The following LIG3 variants were observed in gnomAD, a reference collection of about 807,000 sequenced individuals.
The protein encoded by LIG3 is DNA ligase 3, also known as ligase II, DNA, ATP-dependent.
Under a neutral mutation model 110.9 loss-of-function variants are expected in LIG3, and 58 were observed. That is an observed-to-expected ratio of 0.52 (90% CI 0.42 to 0.65). The LOEUF (loss-of-function observed/expected upper bound fraction) is 0.65, where lower values mean the gene tolerates loss of function less well. Among genes scored for constraint, LIG3 ranks in the 30% least tolerant of loss-of-function variants. The probability of loss-of-function intolerance (pLI) is 0.00; values close to 1 mark genes in which losing one functional copy is unlikely to be tolerated. For missense variants in LIG3, 1,094 were observed against 1,273.8 expected (o/e 0.86, Z 2.15); for synonymous variants, 422 against 472.8 (o/e 0.89, Z 1.39).
chr17:34,993,393 T>TC, intron 8 of LIG3, among the ~76,000 whole-genome samples: 1 of 152,360 alleles, frequency 6.6e-6, no homozygotes, highest in South Asian at 2.1e-4. Flanking sequence ...AGGCAAGTGT[T>TC]CTCTCCCTGC....
At chr17:34,986,293 C>T (rs2090654441) in intron 3 of LIG3, among the ~76,000 whole-genome samples, 162 bp downstream of exon 3, 1 of 151,922 alleles carries the variant, frequency 6.6e-6, no homozygotes, top group African/African-American at 2.4e-5. Context: ...AAGCCTTCCG[C>T]TTGGTTTTTG....
chr17:34,994,161 G>T, intron 8 of LIG3, 115 bp from the exon 9 acceptor site: 1 of 908,176 alleles, frequency 1.1e-6, no homozygotes, highest in African/African-American at 1.7e-5. Context: ...ATTGTGGGCA[G>T]TCAGTCCCAA....
chr17:34,983,659 T>C (rs1036934701), intron 2 of LIG3, 107 bp downstream of exon 2: 10 of 1,113,718 alleles, frequency 9.0e-6, no homozygotes, highest in Non-Finnish European at 1.0e-5. Context: ...CTTTTAGAGA[T>C]GGGGTCTCAC....
Position 35,004,818 on chromosome 17 carries a change from C to A in LIG3, c.*312C>A. 2 of 316,882 alleles carry A rather than the reference C, an allele frequency of 6.3e-6. No homozygotes were observed. The highest frequency in any genetic ancestry group is 1.2e-5 in the Non-Finnish European group (2 of 168,626). The allele number at this position is 316,882 out of a possible 1,614,324, so 19.6% of individuals were successfully genotyped here. On this transcript the variant is annotated 3_prime_UTR_variant, in exon 20 of 20. Coordinates refer to ENST00000378526, the MANE Select transcript of LIG3 (RefSeq NM_013975.4). ...TATCTTGCAGTTATCTTTGTCCTTT[C>A]CCCACCTACACCCCCAATAATTTCC...
At position 35,009,425 on chromosome 17, in the gene LIG3, T is replaced by A. The variant is rs549097546; in HGVS notation, c.*4919T>A. ...ATCAGCAAAAGCTACGGAATAATTC[T>A]AAGAATTAGATGTTTCCATATCATT... is the stretch of plus-strand genomic sequence containing the variant. On this transcript the variant is annotated 3_prime_UTR_variant, in exon 20 of 20. Coordinates refer to ENST00000378526, the MANE Select transcript of LIG3 (RefSeq NM_013975.4). The A allele has an allele frequency of 5.9e-5, 9 of 152,308 alleles. No individual in the cohort carries two copies. Among genetic ancestry groups the A allele is most frequent in the African/African-American group, 2.2e-4 (9 of 41,568 alleles). The allele number at this position is 152,308 out of a possible 1,614,324, so 9.4% of individuals were successfully genotyped here. A position where few individuals can be genotyped will look rare whatever the true frequency, so the allele number is the denominator to read the frequency against.
rs1053220320 is a variant in LIG3, at chr17:34,982,661, A to G, written c.-4-341A>G. On this transcript the variant is annotated intron_variant, in intron 1 of 19. Coordinates refer to ENST00000378526, the MANE Select transcript of LIG3 (RefSeq NM_013975.4). Reference sequence around the variant, plus strand: ...AAACTCCGCCTCAAAAAAAAAAAAAAAGAAAGTTCAGGATCTTGTAATACT... The same window carrying G: ...AAACTCCGCCTCAAAAAAAAAAAAAGAGAAAGTTCAGGATCTTGTAATACT... Among the ~76,000 whole-genome samples the G allele has an allele frequency of 1.2e-4, 19 of 152,126 alleles. No homozygotes were observed. The East Asian group carries it at 2.9e-3, about 23-fold the overall frequency.
chr17:35,003,190 C>A, intron 19 of LIG3: 1 of 1,499,284 alleles, frequency 6.7e-7, no homozygotes, highest in South Asian at 1.3e-5. Flanking sequence ...GCAGGTCCAG[C>A]AAGCAGCGAG....
chr17:34,991,925 C>A, intron 6 of LIG3, 33 bp from the exon 7 acceptor site: 1 of 1,613,808 alleles, frequency 6.2e-7, no homozygotes, highest in Non-Finnish European at 8.5e-7. Context: ...CAGAGCTCTT[C>A]AAGACCAAGT....
In LIG3 at chr17:34,999,316, T is replaced by G; in HGVS notation, c.2123T>G (p.Met708Arg). 1 of 1,613,004 alleles carries G rather than the reference T, an allele frequency of 6.2e-7. No homozygotes were observed. The highest frequency in any genetic ancestry group is 8.5e-7 in the Non-Finnish European group (1 of 1,179,228). The change falls in exon 15 of 20, where the codon ATG (methionine) becomes AGG (arginine). Residue 708 changes from methionine (M) to arginine (R), a missense_variant. Physicochemically the swap from Met to Arg is moderately conservative, Grantham distance 91. Coordinates refer to ENST00000378526, the MANE Select transcript of LIG3 (RefSeq NM_013975.4). Reference sequence around the variant, plus strand: ...CACACTCCCCTCCCAGGCGGCATGATGTCAATCTTCCTCATGGGCTGCTAC... The same window carrying G: ...CACACTCCCCTCCCAGGCGGCATGAGGTCAATCTTCCTCATGGGCTGCTAC... The part of the protein sequence containing the change: ...FYGQGSKGGM[M>R]SIFLMGCYDP...
intron 8 of LIG3, 45 bp downstream of exon 8, chr17:34,992,737 C>T: frequency 6.6e-7 from 1 of 1,511,230 alleles, no homozygotes. Flanking sequence ...TCTCCAAGCT[C>T]CACATCCTTT....
intron 19 of LIG3, chr17:35,003,204 G>A: frequency 6.7e-7 from 1 of 1,482,852 alleles, no homozygotes; most frequent in South Asian, 1.4e-5. Flanking sequence ...CAGCGAGTCG[G>A]GGAGAGGGCA....
rs534213737 is a variant in LIG3 at position 34,982,629 on chromosome 17, TA to T, written c.-4-370del. Among the ~76,000 whole-genome samples, 14 of 146,968 alleles carry T rather than the reference TA, an allele frequency of 9.5e-5. No homozygotes were observed. In the South Asian group the frequency reaches 2.8e-3, roughly 29 times the overall value. On this transcript the variant is annotated intron_variant, in intron 1 of 19. Coordinates refer to ENST00000378526, the MANE Select transcript of LIG3 (RefSeq NM_013975.4). The stretch of plus-strand genomic sequence containing the variant: ...GCCAATGTACTCCAGCCTGGGCAAT[TA>T]AAGTGAAACTCCGCCTCAAAAAAAA...
At position 35,005,819 on chromosome 17, in the gene LIG3, A is replaced by T; in HGVS notation, c.*1313A>T. On this transcript the variant is annotated 3_prime_UTR_variant, in exon 20 of 20. Transcript: ENST00000378526. ...TTCTAAAGGCTGTACCAATCCTCCA[A>T]TATGAAATGTGGGAAAGAATGAAGA... 2.2e-6 allele frequency: 1 copy of T among 457,682 alleles called. No individual in the cohort carries two copies. The highest frequency in any genetic ancestry group is 3.6e-4 in the Middle Eastern group (1 of 2,756). 28.4% of individuals were successfully genotyped at this position (457,682 alleles called of 1,614,324 possible).
chr17:34,982,963 C>CTTTTT, intron 1 of LIG3, 39 bp from the exon 2 acceptor site: 1 of 1,242,926 alleles, frequency 8.0e-7, no homozygotes, highest in South Asian at 1.9e-5. Flanking sequence ...TTGTTTATAT[C>CTTTTT]TTTTTTTTTT....
At chr17:35,010,796 G>C (rs559531427), downstream of LIG3, 2 of 151,804 alleles carry the variant, frequency 1.3e-5, no homozygotes, top group African/African-American at 4.8e-5. Context: ...AAAATCAGTG[G>C]GCTAGGAAAG....
intron 3 of LIG3, among the ~76,000 whole-genome samples, chr17:34,987,255 T>A (rs755881670): frequency 5.9e-5 from 9 of 152,248 alleles, no homozygotes; most frequent in Non-Finnish European, 1.3e-4. Flanking sequence ...TGGCCTTACG[T>A]AAACAGACAG....
At chr17:35,001,430 T>C in intron 17 of LIG3, 27 bp downstream of exon 17, 4 of 1,609,436 alleles carry the variant, frequency 2.5e-6, no homozygotes, top group Non-Finnish European at 3.4e-6. Flanking sequence ...TGTATATGTA[T>C]TCTCCACCCC....
At position 35,007,004 on chromosome 17, in the gene LIG3, C is replaced by T. The variant is rs1458016691; in HGVS notation, c.*2498C>T. Reference sequence around the variant, plus strand: ...GGAATAAGATACTTTTTATTCCATCCTCTATGGAGACAAAAAGCTGCTCCT... The same window carrying T: ...GGAATAAGATACTTTTTATTCCATCTTCTATGGAGACAAAAAGCTGCTCCT... On this transcript the variant is annotated 3_prime_UTR_variant, in exon 20 of 20. Coordinates refer to ENST00000378526, the MANE Select transcript of LIG3 (RefSeq NM_013975.4). 1 of 152,230 alleles carries T rather than the reference C, an allele frequency of 6.6e-6. No homozygotes were observed. Among genetic ancestry groups the T allele is most frequent in the Non-Finnish European group, 1.5e-5 (1 of 68,054 alleles). The allele number at this position is 152,230 out of a possible 1,614,324, so 9.4% of individuals were successfully genotyped here. A position where few individuals can be genotyped will look rare whatever the true frequency, so the allele number is the denominator to read the frequency against.
At chr17:34,988,349 G>C (rs1371353315) in intron 3 of LIG3, among the ~76,000 whole-genome samples, 1 of 152,108 alleles carries the variant, frequency 6.6e-6, no homozygotes, top group African/African-American at 2.4e-5. Flanking sequence ...GAGAGAAAGA[G>C]AGTGTTTTAG....
Sources: gnomAD v4.1 joint callset for allele counts (sites outside exome capture counted in the v4.1 genomes callset) on GRCh38, gnomAD v4.1.1 for gene constraint, MANE v1.5 for transcripts, NCBI Gene and HGNC (gene_info 2026-07-23, HGNC 2026-07-21) for gene names.